The following SPATA6 variants were observed in gnomAD, a reference collection of about 807,000 sequenced individuals.
SPATA6 encodes spermatogenesis-associated protein 6.
A neutral mutation model predicts 65.3 loss-of-function variants in SPATA6; 56 were observed. The observed-to-expected ratio is 0.86, with a 90% CI of 0.69 to 1.07. The LOEUF (loss-of-function observed/expected upper bound fraction) is 1.07, where lower values mean the gene tolerates loss of function less well. Among genes scored for constraint, SPATA6 ranks in the 50% least tolerant of loss-of-function variants. SPATA6 has a pLI of 0.00. For missense variants in SPATA6, 590 were observed against 594.8 expected (o/e 0.99, Z 0.08); for synonymous variants, 199 against 213.2 (o/e 0.93, Z 0.58).
rs1465976793 is a variant in SPATA6 at position 48,302,258 on chromosome 1, AC to A, written c.1287-3366del. On this transcript the variant is annotated intron_variant, in intron 12 of 12. Coordinates refer to ENST00000371847, the MANE Select transcript of SPATA6 (RefSeq NM_019073.4). ...TAGAGGGTGCAAGGGCAGTTTTCTT[AC>A]ATGGATATATTACATAATGGCGAAT... 3.3e-5 allele frequency among the ~76,000 whole-genome samples: 5 copies of A among 152,310 alleles called. No individual in the cohort carries two copies. The South Asian group carries it at 8.3e-4, about 25-fold the overall frequency.
intron 1 of SPATA6, among the ~76,000 whole-genome samples, chr1:48,453,535 G>A (rs751943827): frequency 2.6e-5 from 4 of 151,062 alleles, no homozygotes; most frequent in Admixed American, 6.6e-5. Context: ...TTTAAAAAAC[G>A]CTGATAAAAA....
At chr1:48,268,042 C>T in the SPATA6 span, among the ~76,000 whole-genome samples, 15 of 152,002 alleles carry the variant, frequency 9.9e-5, 1 homozygote, top group Middle Eastern at 6.8e-3. Context: ...TGAGCCACCG[C>T]GCCCGGCCAG....
intron 11 of SPATA6, among the ~76,000 whole-genome samples, chr1:48,337,303 T>TA (rs1163942931): frequency 1.3e-5 from 2 of 151,762 alleles, no homozygotes; most frequent in Non-Finnish European, 2.9e-5. Context: ...TCTCAGTAGA[T>TA]ACAATGGAAT....
intron 9 of SPATA6, among the ~76,000 whole-genome samples, chr1:48,375,600 A>AG (rs1263661488): frequency 6.6e-6 from 1 of 152,132 alleles, no homozygotes; most frequent in Non-Finnish European, 1.5e-5. Context: ...CCATGTTTCT[A>AG]GAATTGCAAA....
intron 4 of SPATA6, 150 bp downstream of exon 4, chr1:48,412,960 A>G (rs1021990837): frequency 1.3e-5 from 3 of 235,672 alleles, no homozygotes; most frequent in Admixed American, 5.9e-5. Context: ...TGTCACTCAC[A>G]TGAGTTCCCA....
At chr1:48,397,124 T>A (rs1270161080) in intron 7 of SPATA6, among the ~76,000 whole-genome samples, 2 of 151,658 alleles carry the variant, frequency 1.3e-5, no homozygotes, top group East Asian at 3.9e-4. Flanking sequence ...AAATGTTGTA[T>A]AATTATATTT....
intron 1 of SPATA6, among the ~76,000 whole-genome samples, chr1:48,470,218 C>G (rs987112508): frequency 3.3e-5 from 5 of 152,156 alleles, no homozygotes; most frequent in African/African-American, 1.2e-4. Context: ...TCAGTTACAA[C>G]AGAGTACTTC....
intron 10 of SPATA6, among the ~76,000 whole-genome samples, chr1:48,356,151 T>G (rs978943644): frequency 2.0e-5 from 3 of 152,158 alleles, no homozygotes; most frequent in Admixed American, 6.6e-5. Flanking sequence ...TGCTCATTTT[T>G]TCAGAATACA....
At chr1:48,301,158 A>C (rs1644928021) in intron 12 of SPATA6, among the ~76,000 whole-genome samples, 2 of 152,086 alleles carry the variant, frequency 1.3e-5, no homozygotes, top group Admixed American at 1.3e-4. Context: ...TCCACCAAAA[A>C]ATTAAAATGA....
intron 11 of SPATA6, among the ~76,000 whole-genome samples, chr1:48,316,538 G>A (rs1645426733): frequency 6.6e-6 from 1 of 152,052 alleles, no homozygotes. Context: ...AATTCAAGAT[G>A]GATTAAAGAC....
At chr1:48,339,785 G>A (rs761147752) in intron 11 of SPATA6, among the ~76,000 whole-genome samples, 3 of 151,870 alleles carry the variant, frequency 2.0e-5, no homozygotes, top group Admixed American at 6.6e-5. Flanking sequence ...ACAATCAAAC[G>A]ATCTAATAGA....
the SPATA6 span, among the ~76,000 whole-genome samples, chr1:48,286,960 A>G: frequency 6.7e-6 from 1 of 150,198 alleles, no homozygotes; most frequent in African/African-American, 2.5e-5. Flanking sequence ...AATCACTTGA[A>G]CCCAGGAGGC....
chr1:48,462,166 G>A (rs1657486844), intron 1 of SPATA6, among the ~76,000 whole-genome samples: 1 of 151,928 alleles, frequency 6.6e-6, no homozygotes, highest in African/African-American at 2.4e-5. Flanking sequence ...GACACAGGAA[G>A]GGGAACATCA....
At chr1:48,349,604 A>G (rs1180507548) in intron 11 of SPATA6, among the ~76,000 whole-genome samples, 2 of 151,910 alleles carry the variant, frequency 1.3e-5, no homozygotes, top group African/African-American at 4.8e-5. Flanking sequence ...CATACCAATC[A>G]TAACAGTTCC....
At chr1:48,350,161 T>C (rs941070934) in intron 11 of SPATA6, among the ~76,000 whole-genome samples, 4 of 151,926 alleles carry the variant, frequency 2.6e-5, no homozygotes, top group African/African-American at 9.7e-5. Flanking sequence ...CATTATGGTT[T>C]TAATTTGCAC....
At chr1:48,455,072 C>T (rs1656897990) in intron 1 of SPATA6, among the ~76,000 whole-genome samples, 1 of 152,224 alleles carries the variant, frequency 6.6e-6, no homozygotes, top group South Asian at 2.1e-4. Context: ...AACCAGGGTC[C>T]TCAACAAATC....
intron 11 of SPATA6, among the ~76,000 whole-genome samples, chr1:48,316,861 G>T (rs1416826579): frequency 6.6e-6 from 1 of 152,152 alleles, no homozygotes; most frequent in Non-Finnish European, 1.5e-5. Flanking sequence ...ATCAAAAAGT[G>T]TGCAAAGGAT....
chr1:48,283,563 C>A, the SPATA6 span, among the ~76,000 whole-genome samples: 2 of 149,100 alleles, frequency 1.3e-5, no homozygotes, highest in African/African-American at 2.5e-5. Flanking sequence ...CTTGTAATCC[C>A]AGCTACTCAG....
intron 11 of SPATA6, among the ~76,000 whole-genome samples, chr1:48,331,584 C>T (rs1351849430): frequency 6.6e-6 from 1 of 151,932 alleles, no homozygotes; most frequent in African/African-American, 2.4e-5. Flanking sequence ...GTAAAGATGC[C>T]CAATCTACAA....
Sources: allele counts gnomAD v4.1 joint callset (sites outside exome capture counted in the v4.1 genomes callset), GRCh38; gene constraint gnomAD v4.1.1; transcripts MANE v1.5; gene names NCBI Gene and HGNC (gene_info 2026-07-23, HGNC 2026-07-21).